KRT76: variants seen among roughly 807,000 people sequenced by gnomAD.
The protein encoded by KRT76 is keratin 76.
KRT76 carries 47 observed loss-of-function variants against 44.9 expected under a neutral mutation model. That is an observed-to-expected ratio of 1.05 (90% CI 0.83 to 1.33). The LOEUF (loss-of-function observed/expected upper bound fraction) is 1.33. Among genes scored for constraint, KRT76 ranks in the 40% most tolerant of loss-of-function variants. The pLI is 0.00. For synonymous variants in KRT76, 331 were observed against 294.1 expected (o/e 1.13, Z -1.28); for missense variants, 860 against 775.8 (o/e 1.11, Z -1.29).
At chr12:52,773,483 T>A in intron 3 of KRT76, 99 bp downstream of exon 3, 4 of 778,134 alleles carry the variant, frequency 5.1e-6, no homozygotes, top group Non-Finnish European at 8.7e-6. Flanking sequence ...CCACACACAA[T>A]ATAAGGTCCC....
rs1259767628 is a variant in KRT76, at chr12:52,772,192, A to G, written c.1039T>C (p.Cys347Arg). Residue 347 changes from cysteine (C) to arginine (R), a missense_variant, in exon 5 of 9, where the codon TGC becomes CGC. Coordinates refer to ENST00000332411, the MANE Select transcript of KRT76 (RefSeq NM_015848.4). ...SVVLSMDNNRCLDLGSIIAEV... is the reference protein window; with the variant it reads ...SVVLSMDNNRRLDLGSIIAEV... Reference sequence around the variant, plus strand: ...GCAATGATGCTGCCCAGGTCCAGGCAGCGGTTGTTGTCCATGGACAGAACC... The same window carrying G: ...GCAATGATGCTGCCCAGGTCCAGGCGGCGGTTGTTGTCCATGGACAGAACC... 1 of 1,613,632 alleles carries G rather than the reference A, an allele frequency of 6.2e-7. No individual in the cohort carries two copies. The highest frequency in any genetic ancestry group is 1.7e-5 in the Admixed American group (1 of 60,012).
chr12:52,776,213 G>T (rs778790368), intron 1 of KRT76, among the ~76,000 whole-genome samples: 1 of 152,152 alleles, frequency 6.6e-6, no homozygotes. Context: ...CCCCAGCATG[G>T]ACAGCTCAGT....
chr12:52,773,786 G>T (rs1238016131), intron 2 of KRT76, 144 bp from the exon 3 acceptor site: 2 of 528,590 alleles, frequency 3.8e-6, no homozygotes, highest in Middle Eastern at 2.8e-4. Flanking sequence ...CTGGGCTCAG[G>T]GTCCTCACAC....
rs1939189981 is a variant in KRT76 at position 52,771,988 on chromosome 12, C to T, written c.1146G>A (p.Glu382=). The change falls in exon 6 of 9, where the codon GAG becomes GAA. Residue 382 remains glutamate (E), a synonymous_variant. Coordinates refer to ENST00000332411, the MANE Select transcript of KRT76 (RefSeq NM_015848.4). ...CATGCCTGCCAGCTGTGGTCTGCAG[C>T]TCCCCAAGCTGACAGAGGAAAAACC... ...AEALYQTKLG[E]LQTTAGRHGD... is the part of the protein sequence containing the mutation. The T allele has an allele frequency of 2.5e-6, 4 of 1,613,528 alleles. No homozygotes were observed. Among genetic ancestry groups the T allele is most frequent in the Middle Eastern group, 1.6e-4 (1 of 6,080 alleles).
rs764554212 is a variant in KRT76, at chr12:52,775,441, GTTCCCCCTCTCCCCTAGA to G, written c.744_761del (p.Gly250_Leu255del). On this transcript the variant is annotated inframe_deletion, in exon 2 of 9. Transcript: ENST00000332411. ...GCATGCTTTTCAGCTCTCCCTCCAG[GTTCCCCCTCTCCCCTAGA>G]AGTGAATCTAGCTGCTTGCATAGGA... 3.1e-6 allele frequency: 5 copies of G among 1,614,164 alleles called. No homozygotes were observed. The highest frequency in any genetic ancestry group is 4.2e-6 in the Non-Finnish European group (5 of 1,180,032).
In KRT76 at chr12:52,776,878, G is replaced by A. The variant is rs1362489434; in HGVS notation, c.414C>T (p.Gly138=). The A allele has an allele frequency of 6.2e-6, 10 of 1,611,816 alleles. No homozygotes were observed. Among genetic ancestry groups the A allele is most frequent in the South Asian group, 1.1e-5 (1 of 90,962 alleles). The change falls in exon 1 of 9, where the codon GGC becomes GGT. Residue 138 remains glycine (G), a synonymous_variant. Transcript: ENST00000332411. ...FGGPGVFGGP[G]SFGGPGGFGP... is the part of the protein sequence containing the mutation. ...CAAAGCCACCAGGACCACCAAAGCT[G>A]CCAGGCCCACCAAATACACCAGGAC...
chr12:52,769,256 G>T, intron 8 of KRT76, 146 bp from the exon 9 acceptor site: 3 of 608,702 alleles, frequency 4.9e-6, no homozygotes, highest in Non-Finnish European at 8.9e-6. Context: ...CCATGAGAGT[G>T]AGCCTGGCCT....
rs748177156 is a variant in KRT76 at position 52,777,069 on chromosome 12, T to C, written c.223A>G (p.Ser75Gly). The C allele has an allele frequency of 3.7e-6, 6 of 1,614,068 alleles. No individual in the cohort carries two copies. Among genetic ancestry groups the C allele is most frequent in the East Asian group, 2.2e-5 (1 of 44,894 alleles). The change falls in exon 1 of 9, where the codon AGC becomes GGC. Residue 75 changes from serine to glycine, a missense_variant. Ser to Gly is a moderately conservative substitution (Grantham distance 56, BLOSUM62 0). Transcript: ENST00000332411. ...CCCCCAAAGCCTCCAGCCCGGGAGC[T>C]GCCAGCTGCCACGCTGATGGAGATG... ...KSISISVAAG[S>G]SRAGGFGGGR...
chr12:52,768,639 G>T lies in KRT76; in HGVS notation c.*74C>A. 6.7e-7 allele frequency: 1 copy of T among 1,500,060 alleles called. No homozygotes were observed. The highest frequency in any genetic ancestry group is 1.8e-4 in the Middle Eastern group (1 of 5,598). The allele number at this position is 1,500,060 out of a possible 1,614,324, so 92.9% of individuals were successfully genotyped here. On this transcript the variant is annotated 3_prime_UTR_variant, in exon 9 of 9. Coordinates refer to ENST00000332411, the MANE Select transcript of KRT76 (RefSeq NM_015848.4). ...GGTTGACCCTTATGCATCTATTGATGCCAAGCAGAGAGTGGGAAACACTAT... is the reference window on the plus strand; with the variant it reads ...GGTTGACCCTTATGCATCTATTGATTCCAAGCAGAGAGTGGGAAACACTAT...
rs1385385558 is a variant in KRT76, at chr12:52,772,107, A to C, written c.1124T>G (p.Leu375Arg). The change falls in exon 5 of 9, where the codon CTG (leucine) becomes CGG (arginine). Residue 375 changes from leucine (L) to arginine (R), a missense_variant. By Grantham distance (102) the Leu-to-Arg change is moderately radical. Transcript: ENST00000332411. ...AQRSKSEAEA[L>R]YQTKLGELQT... is the part of the protein sequence containing the mutation. The stretch of plus-strand genomic sequence containing the variant: ...GAGGGTTCCCACCTTGGTCTGGTAC[A>C]GGGCCTCAGCTTCAGACTTGCTCCT... The C allele has an allele frequency of 5.0e-6, 8 of 1,611,016 alleles. No individual in the cohort carries two copies. Among genetic ancestry groups the C allele is most frequent in the Non-Finnish European group, 5.1e-6 (6 of 1,178,242 alleles).
At chr12:52,772,742 T>C (rs776935171) in intron 4 of KRT76, 41 bp downstream of exon 4, 1 of 1,392,020 alleles carries the variant, frequency 7.2e-7, no homozygotes, top group Non-Finnish European at 1.0e-6. Flanking sequence ...TTGGGAAGAA[T>C]CAGACAGGAA....
chr12:52,772,356 T>C, intron 4 of KRT76, 98 bp from the exon 5 acceptor site: 1 of 1,182,630 alleles, frequency 8.5e-7, no homozygotes, highest in Non-Finnish European at 1.2e-6. Flanking sequence ...GGGCTAGAGG[T>C]GGATCAGTTG....
chr12:52,770,961 A>C (rs1939169829), intron 7 of KRT76, 38 bp downstream of exon 7: 2 of 1,613,176 alleles, frequency 1.2e-6, no homozygotes, highest in South Asian at 2.2e-5. Context: ...GTCACTCTAA[A>C]ACCATATCTG....
chr12:52,771,967 C>T lies in KRT76; in HGVS notation c.1167G>A (p.Arg389=), dbSNP rs1490410281. The change falls in exon 6 of 9, where the codon AGG becomes AGA. Residue 389 remains arginine, a synonymous_variant. Transcript: ENST00000332411. ...KLGELQTTAG[R]HGDDLRNTKS... Reference sequence around the variant, plus strand: ...TGGTGTTCCTCAGGTCATCCCCATGCCTGCCAGCTGTGGTCTGCAGCTCCC... The same window carrying T: ...TGGTGTTCCTCAGGTCATCCCCATGTCTGCCAGCTGTGGTCTGCAGCTCCC... 1.2e-5 allele frequency: 19 copies of T among 1,614,118 alleles called. No homozygotes were observed. Among genetic ancestry groups the T allele is most frequent in the Non-Finnish European group, 1.6e-5 (19 of 1,180,004 alleles).
chr12:52,775,576 C>T lies in KRT76; in HGVS notation c.627G>A (p.Lys209=), dbSNP rs1488266235. The part of the protein sequence containing the change: ...DKVRFLEQQN[K]VLETKWELLQ... ...GCAGTTCCCACTTGGTCTCCAGGACCTTGTTCTGCTGTTCCAGGAACCGCA... is the reference window on the plus strand; with the variant it reads ...GCAGTTCCCACTTGGTCTCCAGGACTTTGTTCTGCTGTTCCAGGAACCGCA... The change falls in exon 2 of 9, where the codon AAG becomes AAA. Residue 209 remains lysine, a synonymous_variant. Coordinates refer to ENST00000332411, the MANE Select transcript of KRT76 (RefSeq NM_015848.4). The T allele has an allele frequency of 1.2e-6, 2 of 1,613,760 alleles. No homozygotes were observed. The highest frequency in any genetic ancestry group is 1.7e-6 in the Non-Finnish European group (2 of 1,180,018).
intron 1 of KRT76, 92 bp downstream of exon 1, chr12:52,776,599 CT>C: frequency 6.3e-7 from 1 of 1,599,456 alleles, no homozygotes; most frequent in Non-Finnish European, 8.5e-7. Flanking sequence ...CCAAGCGCCC[CT>C]GCCCTGTGTC....
chr12:52,775,517 C>A lies in KRT76; in HGVS notation c.686G>T (p.Ser229Ile). The A allele has an allele frequency of 6.2e-7, 1 of 1,614,180 alleles. No homozygotes were observed. Among genetic ancestry groups the A allele is most frequent in the African/African-American group, 1.3e-5 (1 of 75,060 alleles). ...QQQTTGSGPSSLEPCFESYIS... is the reference protein window; with the variant it reads ...QQQTTGSGPSILEPCFESYIS... ...GTAGGATTCAAAACAAGGCTCCAGGCTGCTGGGCCCTGAGCCTGTGGTCTG... is the reference window on the plus strand; with the variant it reads ...GTAGGATTCAAAACAAGGCTCCAGGATGCTGGGCCCTGAGCCTGTGGTCTG... The change falls in exon 2 of 9, where the codon AGC becomes ATC. Residue 229 changes from serine to isoleucine, a missense_variant. Transcript: ENST00000332411.
rs1478150606 is a variant in KRT76, at chr12:52,769,045, C to A, written c.1585G>T (p.Val529Phe). 2.7e-6 allele frequency: 2 copies of A among 753,460 alleles called. No homozygotes were observed. Among genetic ancestry groups the A allele is most frequent in the South Asian group, 2.9e-5 (2 of 68,338 alleles). 46.7% of individuals were successfully genotyped at this position (753,460 alleles called of 1,614,324 possible). Residue 529 changes from valine (V) to phenylalanine (F), a missense_variant, in exon 9 of 9, where the codon GTC becomes TTC. Val to Phe is a conservative substitution (Grantham distance 50). Coordinates refer to ENST00000332411, the MANE Select transcript of KRT76 (RefSeq NM_015848.4). ...TAGCCACCACTGCCACTGCCACTGA[C>A]CCCTCCAAAAACTCCACGGCTACTG... is the stretch of plus-strand genomic sequence containing the variant. Reference protein sequence around the residue: ...SGSSRGVFGGVSGSGSGGYKG... With the variant: ...SGSSRGVFGGFSGSGSGGYKG...
At position 52,772,114 on chromosome 12, in the gene KRT76, C is replaced by T. The variant is rs762724434; in HGVS notation, c.1117G>A (p.Glu373Lys). 168 of 1,611,462 alleles carry T rather than the reference C, an allele frequency of 1.0e-4. No individual in the cohort carries two copies. Among genetic ancestry groups the T allele is most frequent in the Non-Finnish European group, 1.4e-4 (166 of 1,178,594 alleles). ...CCCACCTTGGTCTGGTACAGGGCCT[C>T]AGCTTCAGACTTGCTCCTCTGGGCA... is the stretch of plus-strand genomic sequence containing the variant. ...EIAQRSKSEA[E>K]ALYQTKLGEL... Residue 373 changes from glutamate to lysine, a missense_variant, in exon 5 of 9, where the codon GAG (glutamate) becomes AAG (lysine). Coordinates refer to ENST00000332411, the MANE Select transcript of KRT76 (RefSeq NM_015848.4).
Sources: allele counts gnomAD v4.1 joint callset (sites outside exome capture counted in the v4.1 genomes callset), GRCh38; gene constraint gnomAD v4.1.1; transcripts MANE v1.5; gene names NCBI Gene and HGNC (gene_info 2026-07-23, HGNC 2026-07-21).